LGI2: variants seen among roughly 807,000 people sequenced by gnomAD.
LGI2 encodes leucine-rich repeat LGI family member 2.
Under a neutral mutation model 52.0 loss-of-function variants are expected in LGI2, and 30 were observed. The observed-to-expected ratio is 0.58, with a 90% CI of 0.43 to 0.78. LGI2 has a LOEUF of 0.78. Ranked by LOEUF, LGI2 falls within the 30% of genes least tolerant of loss-of-function variation. LGI2 has a pLI of 0.00. For synonymous variants in LGI2, 270 were observed against 271.8 expected (o/e 0.99, Z 0.06); for missense variants, 573 against 692.5 (o/e 0.83, Z 1.94).
chr4:25,008,451 G>T (rs1172422445), intron 7 of LGI2, among the ~76,000 whole-genome samples: 1 of 151,328 alleles, frequency 6.6e-6, no homozygotes, highest in Non-Finnish European at 1.5e-5. Context: ...TACTCGGGAG[G>T]CTGAGGCCAG....
At position 25,001,226 on chromosome 4, in the gene LGI2, AG is replaced by A; in HGVS notation, c.*2224del. The A allele has an allele frequency of 6.6e-6, 1 of 152,372 alleles. No homozygotes were observed. 9.4% of individuals were successfully genotyped at this position (152,372 alleles called of 1,614,324 possible). On this transcript the variant is annotated 3_prime_UTR_variant, in exon 8 of 8. Transcript: ENST00000382114. ...GCAATGTGAGCAGAATAGTGAGTGC[AG>A]GGGGTCAGTCGCTCATTTACCCTCA...
intron 6 of LGI2, among the ~76,000 whole-genome samples, chr4:25,013,170 C>T (rs761777171): frequency 4.8e-4 from 73 of 152,218 alleles, no homozygotes; most frequent in Non-Finnish European, 9.4e-4. Context: ...TAGCCTAGCA[C>T]GAAGTGAGTG....
In LGI2 at chr4:25,024,894, A is replaced by G; in HGVS notation, c.342-3T>C. The G allele has an allele frequency of 6.3e-7, 1 of 1,590,918 alleles. No homozygotes were observed. Among genetic ancestry groups the G allele is most frequent in the Admixed American group, 1.8e-5 (1 of 54,964 alleles). ...CTATTTTGTTCCCTTCAATGAACCT[A>G]AGAGGAAAAGTTGTATAATTAAAAT... On this transcript the variant is annotated splice_polypyrimidine_tract_variant and splice_region_variant and intron_variant, in intron 3 of 7. Coordinates refer to ENST00000382114, the MANE Select transcript of LGI2 (RefSeq NM_018176.4).
chr4:25,008,894 C>A (rs1454613321), intron 7 of LGI2, among the ~76,000 whole-genome samples: 1 of 152,216 alleles, frequency 6.6e-6, no homozygotes, highest in Admixed American at 6.5e-5. Context: ...AGGGCTCTGG[C>A]CCCAGCCACA....
At chr4:25,011,934 T>A (rs1024426450) in intron 7 of LGI2, among the ~76,000 whole-genome samples, 1 of 152,186 alleles carries the variant, frequency 6.6e-6, no homozygotes, top group Non-Finnish European at 1.5e-5. Context: ...TATGTGTGTG[T>A]GTGTGTTTGT....
rs143211410 is a variant in LGI2 at position 25,002,030 on chromosome 4, TA to T, written c.*1420del. On this transcript the variant is annotated 3_prime_UTR_variant, in exon 8 of 8. Transcript: ENST00000382114. ...CCAGCTAACCAGGCGGAACATCCAC[TA>T]AGAATCTTCCACATAACCAGACCCC... 2 of 152,370 alleles carry T rather than the reference TA, an allele frequency of 1.3e-5. No homozygotes were observed. Among genetic ancestry groups the T allele is most frequent in the African/African-American group, 4.8e-5 (2 of 41,578 alleles). 9.4% of individuals were successfully genotyped at this position (152,370 alleles called of 1,614,324 possible). A position where few individuals can be genotyped will look rare whatever the true frequency, so the allele number is the denominator to read the frequency against.
Position 25,003,800 on chromosome 4 carries a change from T to G in LGI2, c.1289A>C (p.Asn430Thr). ...GCGGGTAAGGGAAAGGTAGAGGGTA[T>G]TTTGCATTCGGAAGCTCTTCACAGC... ...VLAVKSFRMQ[N>T]TLYLSLTRFI... Residue 430 changes from asparagine (N) to threonine (T), a missense_variant, in exon 8 of 8, where the codon AAT (asparagine) becomes ACT (threonine). Asn to Thr is a moderately conservative substitution (Grantham distance 65). Coordinates refer to ENST00000382114, the MANE Select transcript of LGI2 (RefSeq NM_018176.4). The G allele has an allele frequency of 2.5e-6, 4 of 1,614,154 alleles. No homozygotes were observed. Among genetic ancestry groups the G allele is most frequent in the Non-Finnish European group, 3.4e-6 (4 of 1,180,042 alleles).
chr4:24,997,614 G>T (rs914724698), downstream of LGI2, among the ~76,000 whole-genome samples: 2 of 152,144 alleles, frequency 1.3e-5, no homozygotes, highest in African/African-American at 4.8e-5. Flanking sequence ...GAATGCCTTG[G>T]GTCCAGGTGG....
chr4:25,006,135 G>C (rs1224514597), intron 7 of LGI2, among the ~76,000 whole-genome samples: 1 of 152,172 alleles, frequency 6.6e-6, no homozygotes, highest in Non-Finnish European at 1.5e-5. Context: ...TCTAAAGAAG[G>C]AGCAATAGTC....
chr4:25,024,572 G>A (rs1307804235), intron 4 of LGI2, among the ~76,000 whole-genome samples: 1 of 152,208 alleles, frequency 6.6e-6, no homozygotes, highest in Non-Finnish European at 1.5e-5. Context: ...TCACACCCCA[G>A]GATGCTCCTT....
intron 7 of LGI2, among the ~76,000 whole-genome samples, chr4:25,007,260 T>A (rs1333164472): frequency 6.6e-6 from 1 of 152,260 alleles, no homozygotes; most frequent in Non-Finnish European, 1.5e-5. Context: ...AAATAACGTT[T>A]TGATACCATC....
At position 25,030,651 on chromosome 4, in the gene LGI2, G is replaced by A. The variant is rs1404153952; in HGVS notation, c.43C>T (p.Leu15=). Residue 15 remains leucine (L), a synonymous_variant, in exon 1 of 8, where the codon CTG becomes TTG. Transcript: ENST00000382114. Reference sequence around the variant, plus strand: ...AGGCACGCGGCGCCCAGCAGCAGCAGCAGCAGCCCGAGCGCTCCGCAGCCG... The same window carrying A: ...AGGCACGCGGCGCCCAGCAGCAGCAACAGCAGCCCGAGCGCTCCGCAGCCG... ...RGGCGALGLL[L]LLLGAACLIP... is the part of the protein sequence containing the mutation. 6.5e-7 allele frequency: 1 copy of A among 1,536,686 alleles called. No individual in the cohort carries two copies. The highest frequency in any genetic ancestry group is 8.8e-7 in the Non-Finnish European group (1 of 1,142,780).
In LGI2 at chr4:25,000,086, A is replaced by C. The variant is rs1275706723; in HGVS notation, c.*3365T>G. On this transcript the variant is annotated 3_prime_UTR_variant, in exon 8 of 8. Transcript: ENST00000382114. ...TGAATGTAAAAAGAGTGGGGCATGC[A>C]ATTGCATGTTTGTTAATTGTTAAAT... is the stretch of plus-strand genomic sequence containing the variant. 3.8e-6 allele frequency: 1 copy of C among 263,838 alleles called. No homozygotes were observed. Among genetic ancestry groups the C allele is most frequent in the African/African-American group, 2.3e-5 (1 of 43,802 alleles). 16.3% of individuals were successfully genotyped at this position (263,838 alleles called of 1,614,324 possible).
Position 25,012,510 on chromosome 4 carries a change from G to A in LGI2, c.656-11C>T. 2 of 1,611,704 alleles carry A rather than the reference G, an allele frequency of 1.2e-6. No homozygotes were observed. Among genetic ancestry groups the A allele is most frequent in the Non-Finnish European group, 1.7e-6 (2 of 1,178,276 alleles). ...GATGAACAACAAAATCTGGGGATGGGTGTTTAAAAAGAAAAGCGTTCATAA... is the reference window on the plus strand; with the variant it reads ...GATGAACAACAAAATCTGGGGATGGATGTTTAAAAAGAAAAGCGTTCATAA... On this transcript the variant is annotated splice_polypyrimidine_tract_variant and intron_variant, in intron 6 of 7. Coordinates refer to ENST00000382114, the MANE Select transcript of LGI2 (RefSeq NM_018176.4).
Position 25,023,792 on chromosome 4 carries a change from C to T in LGI2, c.413+1028G>A, listed in dbSNP as rs556553988. On this transcript the variant is annotated intron_variant, in intron 4 of 7. Transcript: ENST00000382114. ...CAAATGGGACCTGGTTCCTGGCTAA[C>T]GAATTACTCCTACCAAGATAATGAG... Among the ~76,000 whole-genome samples, 6 of 152,290 alleles carry T rather than the reference C, an allele frequency of 3.9e-5. No individual in the cohort carries two copies. The South Asian group carries it at 6.2e-4, about 16-fold the overall frequency.
intron 6 of LGI2, among the ~76,000 whole-genome samples, chr4:25,013,386 C>T (rs1463627357): frequency 1.3e-5 from 2 of 152,112 alleles, no homozygotes; most frequent in African/African-American, 4.8e-5. Context: ...CCTCTGCAGC[C>T]CAACAGGCAG....
intron 6 of LGI2, among the ~76,000 whole-genome samples, chr4:25,016,153 A>G (rs532590613): frequency 5.7e-4 from 86 of 152,002 alleles, no homozygotes; most frequent in African/African-American, 2.0e-3. Flanking sequence ...CAGAGCCTGG[A>G]TCACTTTTAT....
Position 25,029,758 on chromosome 4 carries a change from G to T in LGI2, c.197+739C>A, listed in dbSNP as rs28433656. Among the ~76,000 whole-genome samples, 1,234 of 152,326 alleles carry T rather than the reference G, an allele frequency of 8.1e-3. 19 individuals carry two copies. Among genetic ancestry groups the T allele is most frequent in the African/African-American group, 0.028 (1,172 of 41,576 alleles). ...CACAACTGTGTGATGGAGAAAGGGGGCAAGAAGCCCTCCTGACCTCAGGGC... is the reference window on the plus strand; with the variant it reads ...CACAACTGTGTGATGGAGAAAGGGGTCAAGAAGCCCTCCTGACCTCAGGGC... On this transcript the variant is annotated intron_variant, in intron 1 of 7. Coordinates refer to ENST00000382114, the MANE Select transcript of LGI2 (RefSeq NM_018176.4).
chr4:25,021,647 C>A (rs1233250488), intron 4 of LGI2, among the ~76,000 whole-genome samples: 1 of 152,018 alleles, frequency 6.6e-6, no homozygotes, highest in Non-Finnish European at 1.5e-5. Context: ...TTAAAAGTCG[C>A]CTGGCCGGGC....
Sources: gnomAD v4.1 joint callset for allele counts (sites outside exome capture counted in the v4.1 genomes callset) on GRCh38, gnomAD v4.1.1 for gene constraint, MANE v1.5 for transcripts, NCBI Gene and HGNC (gene_info 2026-07-23, HGNC 2026-07-21) for gene names.